The following PIGN variants were observed in gnomAD, a reference collection of about 807,000 sequenced individuals.
The protein encoded by PIGN is phosphatidylinositol glycan anchor biosynthesis class N, also known as GPI ethanolamine phosphate transferase 1.
In PIGN, 117 loss-of-function variants were observed where a neutral mutation model predicts 125.4. The ratio of observed to expected loss-of-function variants is 0.93; its 90% CI spans 0.80 to 1.09. PIGN has a LOEUF of 1.09. Among genes scored for constraint, PIGN ranks in the 50% least tolerant of loss-of-function variants. The pLI is 0.00. For missense variants in PIGN, 1,075 were observed against 1,094.9 expected, an observed-to-expected ratio of 0.98 and a Z score of 0.26; for synonymous variants, 392 against 377.8, an observed-to-expected ratio of 1.04 and a Z score of -0.44.
At chr18:62,161,543 T>A (rs894530802) in intron 3 of PIGN, among the ~76,000 whole-genome samples, 158 bp from the exon 4 acceptor site, 9 of 152,192 alleles carry the variant, frequency 5.9e-5, no homozygotes, top group Admixed American at 2.0e-4. Context: ...AAGCACTATT[T>A]AATAATGTGA....
In PIGN at chr18:62,045,184, T is replaced by C. The variant is rs2030572690; in HGVS notation, c.*672A>G. ...AGAAATACCAAGCACTTTCTACTTT[T>C]GTGTTGTCAGAAATCCCAGGAAAAT... On this transcript the variant is annotated 3_prime_UTR_variant, in exon 31 of 31. Transcript: ENST00000640252. 1 of 151,964 alleles carries C rather than the reference T, an allele frequency of 6.6e-6. No homozygotes were observed. Among genetic ancestry groups the C allele is most frequent in the Non-Finnish European group, 1.5e-5 (1 of 68,012 alleles). The allele number at this position is 151,964 out of a possible 1,614,324, so 9.4% of individuals were successfully genotyped here. A position where few individuals can be genotyped will look rare whatever the true frequency, so the allele number is the denominator to read the frequency against.
chr18:62,113,120 T>C lies in PIGN; in HGVS notation c.1434+14A>G. 6.3e-7 allele frequency: 1 copy of C among 1,587,070 alleles called. No homozygotes were observed. Among genetic ancestry groups the C allele is most frequent in the South Asian group, 1.1e-5 (1 of 88,032 alleles). ...TTATACCATCATCTGAATCCTCACA[T>C]TTTCTAAACGTACCTTCACTTCTTT... is the stretch of plus-strand genomic sequence containing the variant. On this transcript the variant is annotated intron_variant, in intron 16 of 30. Coordinates refer to ENST00000640252, the MANE Select transcript of PIGN (RefSeq NM_176787.5).
At chr18:62,123,524 A>G (rs1189862399) in intron 14 of PIGN, 4 of 152,142 alleles carry the variant, frequency 2.6e-5, no homozygotes, top group Non-Finnish European at 5.9e-5. Flanking sequence ...TCCATAGACC[A>G]AATCAGGATG....
rs1391068540 is a variant in PIGN at position 62,088,849 on chromosome 18, G to C, written c.2284-7C>G. On this transcript the variant is annotated splice_polypyrimidine_tract_variant and splice_region_variant and intron_variant, in intron 24 of 30. Coordinates refer to ENST00000640252, the MANE Select transcript of PIGN (RefSeq NM_176787.5). The stretch of plus-strand genomic sequence containing the variant: ...AGAACTGGATACTGGTGAGCTGTGA[G>C]ATAATAAGAAAAATATTAATGCACA... 2.0e-6 allele frequency: 3 copies of C among 1,478,606 alleles called. No homozygotes were observed. Among genetic ancestry groups the C allele is most frequent in the South Asian group, 1.2e-5 (1 of 81,908 alleles). The allele number at this position is 1,478,606 out of a possible 1,614,324, so 91.6% of individuals were successfully genotyped here. A position where few individuals can be genotyped will look rare whatever the true frequency, so the allele number is the denominator to read the frequency against.
intron 23 of PIGN, among the ~76,000 whole-genome samples, chr18:62,026,925 A>G (rs1197471271): frequency 1.3e-5 from 2 of 152,292 alleles, no homozygotes; most frequent in East Asian, 3.9e-4. Flanking sequence ...CGGGGGGCCA[A>G]GGCGCGGTGG....
intron 23 of PIGN, among the ~76,000 whole-genome samples, chr18:62,020,957 T>C (rs1166403068): frequency 2.9e-5 from 3 of 101,880 alleles, no homozygotes; most frequent in African/African-American, 1.2e-4. Flanking sequence ...CGAGACTCTG[T>C]CTCAAAAAAA....
At chr18:62,107,413 G>A in intron 17 of PIGN, 1 of 240,392 alleles carries the variant, frequency 4.2e-6, no homozygotes. Flanking sequence ...TGGCCAACAT[G>A]GTGAAACCCC....
At chr18:62,168,581 T>C (rs1029553639) in intron 1 of PIGN, among the ~76,000 whole-genome samples, 4 of 152,232 alleles carry the variant, frequency 2.6e-5, no homozygotes, top group African/African-American at 7.2e-5. Context: ...TTCCTAGGAA[T>C]AATGATACTC....
At chr18:62,048,185 T>A (rs2145045183) in intron 30 of PIGN, among the ~76,000 whole-genome samples, 1 of 151,764 alleles carries the variant, frequency 6.6e-6, no homozygotes, top group African/African-American at 2.4e-5. Flanking sequence ...TAAAAAAAAA[T>A]GAACAGAGTC....
intron 23 of PIGN, among the ~76,000 whole-genome samples, chr18:62,091,192 CA>C (rs2033940997): frequency 6.6e-6 from 1 of 151,938 alleles, no homozygotes; most frequent in Non-Finnish European, 1.5e-5. Context: ...ACTAAAAATA[CA>C]AAAAATTAGC....
rs76624030 is a variant in PIGN at position 62,019,995 on chromosome 18, C to A, written c.2143-2254G>T. The stretch of plus-strand genomic sequence containing the variant: ...ATGGAGACAGTCAGAATGTGCAGGG[C>A]ACGGTCCCATTGGGAGAGTGCTTGC... On this transcript the variant is annotated intron_variant, in intron 23 of 24. Transcript: ENST00000639600. Among the ~76,000 whole-genome samples, 6 of 152,362 alleles carry A rather than the reference C, an allele frequency of 3.9e-5. No homozygotes were observed. In the East Asian group the frequency reaches 1.2e-3, roughly 29 times the overall value.
intron 1 of PIGN, among the ~76,000 whole-genome samples, chr18:62,164,421 T>G (rs2037059636): frequency 2.6e-5 from 4 of 152,184 alleles, no homozygotes; most frequent in Admixed American, 2.6e-4. Context: ...GAAGCATGAC[T>G]GCGAGGCCTC....
In PIGN at chr18:62,147,112, A is replaced by G; in HGVS notation, c.675-11T>C. On this transcript the variant is annotated splice_polypyrimidine_tract_variant and intron_variant, in intron 8 of 30. Transcript: ENST00000640252. ...TTGTGCTTGTAGTCTCTATTTGTAAAGAAACAGAGGAACAAATTAAATTAA... is the reference window on the plus strand; with the variant it reads ...TTGTGCTTGTAGTCTCTATTTGTAAGGAAACAGAGGAACAAATTAAATTAA... The G allele has an allele frequency of 1.3e-6, 2 of 1,586,104 alleles. No homozygotes were observed. The highest frequency in any genetic ancestry group is 1.7e-6 in the Non-Finnish European group (2 of 1,163,372).
intron 28 of PIGN, among the ~76,000 whole-genome samples, chr18:62,076,948 T>C (rs975183138): frequency 6.6e-6 from 1 of 152,194 alleles, no homozygotes; most frequent in Non-Finnish European, 1.5e-5. Flanking sequence ...GTTTTAGTGG[T>C]TGCAGCAACA....
intron 28 of PIGN, among the ~76,000 whole-genome samples, chr18:62,080,191 G>C (rs1293094598): frequency 1.3e-5 from 2 of 152,090 alleles, no homozygotes; most frequent in Non-Finnish European, 2.9e-5. Flanking sequence ...CTCTTGTACA[G>C]TTGAGTATTT....
At chr18:62,118,185 A>G (rs983856541) in intron 14 of PIGN, among the ~76,000 whole-genome samples, 8 of 152,178 alleles carry the variant, frequency 5.3e-5, no homozygotes, top group Non-Finnish European at 1.0e-4. Context: ...CTCCAAAGAA[A>G]AAGACTATAA....
At chr18:62,150,263 C>A (rs761791692) in intron 7 of PIGN, among the ~76,000 whole-genome samples, 1 of 152,086 alleles carries the variant, frequency 6.6e-6, no homozygotes, top group African/African-American at 2.4e-5. Context: ...GGATTACAGG[C>A]GTGAGCCACC....
intron 30 of PIGN, among the ~76,000 whole-genome samples, chr18:62,051,172 T>A (rs1215060780): frequency 6.6e-6 from 1 of 151,500 alleles, no homozygotes; most frequent in African/African-American, 2.4e-5. Context: ...CTTTTTTGGT[T>A]GTGTCTCTGC....
At chr18:62,041,027 G>C (rs1466871798), downstream of PIGN, 1 of 152,062 alleles carries the variant, frequency 6.6e-6, no homozygotes, top group Non-Finnish European at 1.5e-5. Context: ...AATAATTTTA[G>C]ATTTTAGCCC....
Sources: allele counts gnomAD v4.1 joint callset (sites outside exome capture counted in the v4.1 genomes callset), GRCh38; gene constraint gnomAD v4.1.1; transcripts MANE v1.5; gene names NCBI Gene and HGNC (gene_info 2026-07-23, HGNC 2026-07-21).